The following MLLT3 variants were observed in gnomAD, a reference collection of about 807,000 sequenced individuals.
MLLT3 encodes the protein MLLT3 super elongation complex subunit.
A neutral mutation model predicts 53.2 loss-of-function variants in MLLT3; 4 were observed. The observed-to-expected ratio is 0.08, with a 90% confidence interval of 0.04 to 0.17. The LOEUF is 0.17. Among genes scored for constraint, MLLT3 ranks in the 10% least tolerant of loss-of-function variants. MLLT3 has a pLI of 1.00. For synonymous variants in MLLT3, 283 were observed against 230.6 expected (o/e 1.23, Z -2.06); for missense variants, 569 against 684.0 (o/e 0.83, Z 1.87).
At chr9:20,536,360 T>A (rs1023005096) in intron 2 of MLLT3, among the ~76,000 whole-genome samples, 3 of 151,950 alleles carry the variant, frequency 2.0e-5, no homozygotes, top group African/African-American at 7.2e-5. Context: ...GGGCACACAG[T>A]AATAAAAGAA....
At chr9:20,604,665 G>C (rs1820518802) in intron 2 of MLLT3, among the ~76,000 whole-genome samples, 1 of 152,068 alleles carries the variant, frequency 6.6e-6, no homozygotes, top group African/African-American at 2.4e-5. Context: ...TATTTTGTGA[G>C]GCCACTGGCA....
intron 2 of MLLT3, among the ~76,000 whole-genome samples, chr9:20,552,798 G>C (rs898411428): frequency 1.3e-5 from 2 of 152,058 alleles, no homozygotes; most frequent in African/African-American, 2.4e-5. Flanking sequence ...TATAAGACTA[G>C]TATTACCATA....
At chr9:20,566,575 CTG>C (rs1819383360) in intron 2 of MLLT3, among the ~76,000 whole-genome samples, 1 of 152,118 alleles carries the variant, frequency 6.6e-6, no homozygotes, top group African/African-American at 2.4e-5. Context: ...ATCTAACAGA[CTG>C]TGCACTCTAT....
At chr9:20,416,255 T>A (rs1822868881) in intron 4 of MLLT3, among the ~76,000 whole-genome samples, 1 of 152,004 alleles carries the variant, frequency 6.6e-6, no homozygotes, top group African/African-American at 2.4e-5. Context: ...TTTTGAAAAT[T>A]TGCAATCAGT....
At chr9:20,538,533 A>G (rs1818542894) in intron 2 of MLLT3, among the ~76,000 whole-genome samples, 1 of 152,124 alleles carries the variant, frequency 6.6e-6, no homozygotes, top group Non-Finnish European at 1.5e-5. Context: ...AATTCACACC[A>G]TCTGCAATTT....
At position 20,392,602 on chromosome 9, in the gene MLLT3, A is replaced by G. The variant is rs190107133; in HGVS notation, c.1125+21119T>C. On this transcript the variant is annotated intron_variant, in intron 5 of 10. Coordinates refer to ENST00000380338, the MANE Select transcript of MLLT3 (RefSeq NM_004529.4). ...TTCACTTTCTTGGGTTTACCCTAGC[A>G]TTTCTACTCGATGAGAATTTTTTTC... is the stretch of plus-strand genomic sequence containing the variant. Among the ~76,000 whole-genome samples the G allele has an allele frequency of 4.9e-4, 74 of 152,278 alleles. No individual in the cohort carries two copies. In the East Asian group the frequency reaches 0.014, roughly 29 times the overall value.
chr9:20,509,821 G>A (rs1825481240), intron 2 of MLLT3, among the ~76,000 whole-genome samples: 1 of 150,614 alleles, frequency 6.6e-6, no homozygotes, highest in South Asian at 2.1e-4. Context: ...AAGTTTTATT[G>A]TAAAAGAACT....
At chr9:20,363,437 C>T in intron 7 of MLLT3, 39 bp downstream of exon 7, 2 of 1,609,706 alleles carry the variant, frequency 1.2e-6, no homozygotes, top group Middle Eastern at 1.7e-4. Flanking sequence ...AAGAGTCTGA[C>T]TTCATCACAG....
At chr9:20,568,936 T>G (rs780693000) in intron 2 of MLLT3, among the ~76,000 whole-genome samples, 4 of 152,164 alleles carry the variant, frequency 2.6e-5, no homozygotes, top group Non-Finnish European at 5.9e-5. Context: ...GAATCACATC[T>G]TTGTCTTTAA....
intron 2 of MLLT3, among the ~76,000 whole-genome samples, chr9:20,548,594 C>T (rs1818847721): frequency 6.6e-6 from 1 of 152,112 alleles, no homozygotes; most frequent in African/African-American, 2.4e-5. Context: ...TGAAATTGTT[C>T]TAAAATCCAT....
At chr9:20,356,114 C>G (rs965113114) in intron 8 of MLLT3, among the ~76,000 whole-genome samples, 5 of 152,140 alleles carry the variant, frequency 3.3e-5, no homozygotes, top group Non-Finnish European at 5.9e-5. Context: ...AAACATTTTA[C>G]TGGATGAGGA....
intron 2 of MLLT3, among the ~76,000 whole-genome samples, chr9:20,462,782 C>G (rs1824142561): frequency 6.6e-6 from 1 of 152,090 alleles, no homozygotes; most frequent in Non-Finnish European, 1.5e-5. Context: ...GTTCCTTATC[C>G]CAGACCATCA....
chr9:20,365,332 T>C (rs1821422849), intron 6 of MLLT3, among the ~76,000 whole-genome samples: 1 of 152,108 alleles, frequency 6.6e-6, no homozygotes, highest in Admixed American at 6.5e-5. Context: ...TGGTTTTTTT[T>C]TGTTTTGTTT....
intron 2 of MLLT3, among the ~76,000 whole-genome samples, chr9:20,517,986 G>A (rs1400351780): frequency 1.3e-5 from 2 of 152,156 alleles, no homozygotes; most frequent in South Asian, 4.1e-4. Context: ...ACAATAAAAT[G>A]AGCAATAATA....
chr9:20,342,116 G>T lies in MLLT3; in HGVS notation c.*4327C>A, dbSNP rs971265922. 1 of 214,376 alleles carries T rather than the reference G, an allele frequency of 4.7e-6. No individual in the cohort carries two copies. Among genetic ancestry groups the T allele is most frequent in the Non-Finnish European group, 9.4e-6 (1 of 106,200 alleles). The allele number at this position is 214,376 out of a possible 1,614,324, so 13.3% of individuals were successfully genotyped here. On this transcript the variant is annotated 3_prime_UTR_variant, in exon 11 of 11. Coordinates refer to ENST00000380338, the MANE Select transcript of MLLT3 (RefSeq NM_004529.4). ...AGCATCACTTCTTGAGAAAAGGCTA[G>T]GGGCTAATTTTTCCTGTATGCAAAA...
chr9:20,563,204 A>G (rs1819260800), intron 2 of MLLT3, among the ~76,000 whole-genome samples: 1 of 152,180 alleles, frequency 6.6e-6, no homozygotes, highest in African/African-American at 2.4e-5. Context: ...CATATGGATT[A>G]CAAGCACAGT....
At chr9:20,389,846 TA>T (rs1244532234) in intron 5 of MLLT3, among the ~76,000 whole-genome samples, 1 of 152,226 alleles carries the variant, frequency 6.6e-6, no homozygotes, top group East Asian at 1.9e-4. Context: ...GAACTGTATT[TA>T]AACAAAGTTG....
At chr9:20,588,169 T>G (rs1820027917) in intron 2 of MLLT3, among the ~76,000 whole-genome samples, 1 of 151,926 alleles carries the variant, frequency 6.6e-6, no homozygotes, top group Admixed American at 6.6e-5. Context: ...CGGCGTTATT[T>G]CTGAGGGCTC....
chr9:20,546,177 T>A (rs1818782292), intron 2 of MLLT3, among the ~76,000 whole-genome samples: 1 of 152,184 alleles, frequency 6.6e-6, no homozygotes, highest in African/African-American at 2.4e-5. Flanking sequence ...TAGGAGTTTA[T>A]CAAAATGCTT....
Sources: gnomAD v4.1 joint callset for allele counts (sites outside exome capture counted in the v4.1 genomes callset) on GRCh38, gnomAD v4.1.1 for gene constraint, MANE v1.5 for transcripts, NCBI Gene and HGNC (gene_info 2026-07-23, HGNC 2026-07-21) for gene names.